Variants in ANKRD26 observed in about 807,000 individuals in gnomAD.
ANKRD26 encodes the protein ankyrin repeat domain-containing protein 26.
A neutral mutation model predicts 208.7 loss-of-function variants in ANKRD26; 141 were observed. The ratio of observed to expected loss-of-function variants is 0.68; its 90% confidence interval spans 0.59 to 0.78. ANKRD26 has a LOEUF of 0.78. Ranked by LOEUF, ANKRD26 falls within the 30% of genes least tolerant of loss-of-function variation. The pLI is 0.00. For synonymous variants in ANKRD26, 636 were observed against 660.4 expected (o/e 0.96, Z 0.57); for missense variants, 1,889 against 1,938.7 (o/e 0.97, Z 0.48).
Position 27,064,009 on chromosome 10 carries a change from T to C in ANKRD26, c.1342A>G (p.Ile448Val). 1 of 1,610,042 alleles carries C rather than the reference T, an allele frequency of 6.2e-7. No homozygotes were observed. Among genetic ancestry groups the C allele is most frequent in the South Asian group, 1.1e-5 (1 of 91,032 alleles). The part of the protein sequence containing the change: ...AGAADGKEKN[I>V]GNEQAEDVFY... ...TTACCTTCTGCTTGTTCATTTCCTATATTTTTTTCTTTTCCGTCTGCAGCC... is the reference window on the plus strand; with the variant it reads ...TTACCTTCTGCTTGTTCATTTCCTACATTTTTTTCTTTTCCGTCTGCAGCC... Residue 448 changes from isoleucine to valine, a missense_variant, in exon 12 of 34, where the codon ATA becomes GTA. Ile to Val is a conservative substitution (Grantham distance 29). This residue lies in a region of ANKRD26 where 1,272 missense variants were observed against 1,273.8 expected (regional missense o/e 1.00). Transcript: ENST00000376087.
intron 9 of ANKRD26, among the ~76,000 whole-genome samples, chr10:27,073,144 CTTG>C (rs2055566990): frequency 2.6e-5 from 4 of 152,194 alleles, no homozygotes; most frequent in Admixed American, 2.6e-4. Flanking sequence ...AGGCCTTCCG[CTTG>C]TGGGAAGTTT....
chr10:27,055,241 C>T (rs1262397859), intron 15 of ANKRD26, among the ~76,000 whole-genome samples: 1 of 152,110 alleles, frequency 6.6e-6, no homozygotes, highest in Non-Finnish European at 1.5e-5. Flanking sequence ...TTACTTCATA[C>T]TTTTTCTGTT....
At chr10:27,063,198 A>C (rs1246817854) in intron 12 of ANKRD26, among the ~76,000 whole-genome samples, 1 of 152,160 alleles carries the variant, frequency 6.6e-6, no homozygotes, top group East Asian at 1.9e-4. Context: ...GGTGGATGGG[A>C]AGAGTGGGTA....
chr10:27,012,992 G>A lies in ANKRD26; in HGVS notation c.4843C>T (p.Leu1615Phe). 6.2e-7 allele frequency: 1 copy of A among 1,614,068 alleles called. No homozygotes were observed. The highest frequency in any genetic ancestry group is 2.2e-5 in the East Asian group (1 of 44,872). The stretch of plus-strand genomic sequence containing the variant: ...CTGTTGAGATCTAAACTATTATTAA[G>A]ATTTCCCACACAAGGTGGCTCCATG... ...PVMEPPCVGN[L>F]NNSLDLNRKL... The change falls in exon 32 of 34, where the codon CTT (leucine) becomes TTT (phenylalanine). Residue 1615 changes from leucine (L) to phenylalanine (F), a missense_variant. Around this residue, in one of 3 missense-constraint regions of ANKRD26, gnomAD observed 613 missense variants for 648.2 expected, o/e 0.95. Transcript: ENST00000376087.
At chr10:26,974,568 C>T (rs1022623941) in exon 6 of ANKRD26, among the ~76,000 whole-genome samples, 5 of 152,134 alleles carry the variant, frequency 3.3e-5, no homozygotes, top group African/African-American at 1.2e-4. Context: ...TCTTGATCTT[C>T]TGACCTCCTG....
chr10:26,960,149 C>CA, the ANKRD26 span, among the ~76,000 whole-genome samples: 108 of 136,574 alleles, frequency 7.9e-4, no homozygotes, highest in South Asian at 1.5e-3. Flanking sequence ...ACCTTGTCTC[C>CA]AAAAAAAAAA....
intron 4 of ANKRD26, among the ~76,000 whole-genome samples, chr10:27,089,758 T>C (rs2056238582): frequency 6.6e-6 from 1 of 152,188 alleles, no homozygotes; most frequent in Admixed American, 6.5e-5. Flanking sequence ...GCCCCTGCAC[T>C]CCAGCCCAGG....
At chr10:27,037,045 A>G in intron 23 of ANKRD26, 141 bp downstream of exon 23, 1 of 786,364 alleles carries the variant, frequency 1.3e-6, no homozygotes, top group East Asian at 2.8e-5. Flanking sequence ...CAAAAACACT[A>G]CCACTACCCC....
At chr10:27,027,644 A>G (rs2135098625) in intron 27 of ANKRD26, among the ~76,000 whole-genome samples, 1 of 152,348 alleles carries the variant, frequency 6.6e-6, no homozygotes, top group South Asian at 2.1e-4. Context: ...CTATAAAGTC[A>G]AGAGGACTTG....
intron 33 of ANKRD26, among the ~76,000 whole-genome samples, chr10:27,006,342 G>A (rs1224618353): frequency 6.6e-6 from 1 of 152,204 alleles, no homozygotes; most frequent in African/African-American, 2.4e-5. Flanking sequence ...CAAGGGGTGA[G>A]AAATAAGGTT....
chr10:26,978,494 T>C (rs1269953354), intron 5 of ANKRD26, among the ~76,000 whole-genome samples: 2 of 152,074 alleles, frequency 1.3e-5, no homozygotes, highest in African/African-American at 4.8e-5. Context: ...GTTTGGCTTA[T>C]AGAAATTTGC....
At chr10:27,060,226 T>A in intron 15 of ANKRD26, 119 bp downstream of exon 15, 1 of 1,045,830 alleles carries the variant, frequency 9.6e-7, no homozygotes, top group East Asian at 2.4e-5. Flanking sequence ...TTTTTTTAAA[T>A]CCTTCCAACA....
chr10:26,976,372 G>A (rs1414325713), intron 5 of ANKRD26, among the ~76,000 whole-genome samples: 2 of 151,926 alleles, frequency 1.3e-5, no homozygotes, highest in Admixed American at 1.3e-4. Context: ...CCACCACCAC[G>A]CCTGGCTAAT....
At chr10:26,977,608 T>A (rs748230511) in intron 5 of ANKRD26, among the ~76,000 whole-genome samples, 2 of 152,192 alleles carry the variant, frequency 1.3e-5, no homozygotes, top group Non-Finnish European at 2.9e-5. Flanking sequence ...TTATAATGCA[T>A]CTCTTACAAC....
At chr10:27,028,065 T>C (rs370165747) in intron 27 of ANKRD26, among the ~76,000 whole-genome samples, 270 of 152,364 alleles carry the variant, frequency 1.8e-3, no homozygotes, top group African/African-American at 6.3e-3. Flanking sequence ...TGATGTTCAG[T>C]AGGTGTATTA....
intron 25 of ANKRD26, among the ~76,000 whole-genome samples, chr10:27,031,037 G>A (rs934556959): frequency 6.6e-6 from 1 of 152,188 alleles, no homozygotes; most frequent in African/African-American, 2.4e-5. Flanking sequence ...TAAAATGTGA[G>A]GTCAATGAGA....
chr10:27,073,036 G>C (rs543952464), intron 9 of ANKRD26, among the ~76,000 whole-genome samples: 1 of 152,268 alleles, frequency 6.6e-6, no homozygotes, highest in East Asian at 1.9e-4. Flanking sequence ...GGAGCAGCAG[G>C]ATTCACAGCA....
chr10:27,088,990 G>C (rs1466907885), intron 4 of ANKRD26, among the ~76,000 whole-genome samples: 1 of 152,160 alleles, frequency 6.6e-6, no homozygotes, highest in Non-Finnish European at 1.5e-5. Flanking sequence ...GCCAGAGCAG[G>C]GTGCTGGTGC....
At chr10:26,961,686 A>AAT in the ANKRD26 span, among the ~76,000 whole-genome samples, 1 of 151,958 alleles carries the variant, frequency 6.6e-6, no homozygotes, top group East Asian at 2.0e-4. Flanking sequence ...TCTACAATAA[A>AAT]AATAATAATA....
Sources: gnomAD v4.1 joint callset for allele counts (sites outside exome capture counted in the v4.1 genomes callset) on GRCh38, gnomAD v4.1.1 for gene constraint, gnomAD v4.1.1 regional missense constraint, MANE v1.5 for transcripts, NCBI Gene and HGNC (gene_info 2026-07-23, HGNC 2026-07-21) for gene names.